Variants in LAMA2 observed in about 807,000 individuals in gnomAD.
LAMA2 encodes laminin subunit alpha-2.
Under a neutral mutation model 364.8 loss-of-function variants are expected in LAMA2, and 269 were observed. The ratio of observed to expected loss-of-function variants is 0.74; its 90% CI spans 0.67 to 0.82. The LOEUF (loss-of-function observed/expected upper bound fraction) is 0.82. Among genes scored for constraint, LAMA2 ranks in the 40% least tolerant of loss-of-function variants. The pLI is 0.00. For synonymous variants in LAMA2, 1,379 were observed against 1,370.6 expected (o/e 1.01, Z -0.14); for missense variants, 3,807 against 3,873.2 (o/e 0.98, Z 0.45).
intron 1 of LAMA2, among the ~76,000 whole-genome samples, chr6:128,971,023 C>T (rs1782158072): frequency 1.3e-5 from 2 of 152,120 alleles, no homozygotes; most frequent in Admixed American, 1.3e-4. Context: ...ATGCTCTTTT[C>T]CTGCTCCATG....
chr6:129,139,533 T>G (rs1343701782), intron 4 of LAMA2, among the ~76,000 whole-genome samples: 2 of 152,122 alleles, frequency 1.3e-5, no homozygotes, highest in East Asian at 3.8e-4. Flanking sequence ...ACTATGCCAT[T>G]TCATTTCAAG....
intron 2 of LAMA2, among the ~76,000 whole-genome samples, chr6:129,058,317 G>A (rs1397447649): frequency 6.6e-6 from 1 of 152,228 alleles, no homozygotes; most frequent in African/African-American, 2.4e-5. Context: ...GACACATGGA[G>A]CTAAAATGGG....
rs555739971 is a variant in LAMA2, at chr6:129,380,028, T to C, written c.4960-3094T>C. Among the ~76,000 whole-genome samples the C allele has an allele frequency of 5.9e-5, 9 of 152,300 alleles. No individual in the cohort carries two copies. In the East Asian group the frequency reaches 1.7e-3, roughly 29 times the overall value. ...AAAAGAGTAAGACAGATCCCTAGCC[T>C]TTTCTAATCTATCTATCTAATGGAG... On this transcript the variant is annotated intron_variant, in intron 34 of 64. Coordinates refer to ENST00000421865, the MANE Select transcript of LAMA2 (RefSeq NM_000426.4).
chr6:129,290,565 T>A (rs1032323), intron 19 of LAMA2, among the ~76,000 whole-genome samples: 151,624 of 152,312 alleles, frequency 1, 75,475 homozygotes, highest in Middle Eastern at 1. Context: ...TGTTTATAGC[T>A]TAATTTTAGG....
At chr6:129,350,251 A>G (rs984517219) in intron 31 of LAMA2, among the ~76,000 whole-genome samples, 2 of 152,242 alleles carry the variant, frequency 1.3e-5, no homozygotes, top group African/African-American at 2.4e-5. Context: ...AAAGTTTTAG[A>G]AAGATCCATA....
chr6:129,106,934 G>GTAT (rs1775865241), intron 4 of LAMA2, among the ~76,000 whole-genome samples: 1 of 150,362 alleles, frequency 6.7e-6, no homozygotes, highest in Non-Finnish European at 1.5e-5. Flanking sequence ...AATTAATGCA[G>GTAT]TATTGTTGAA....
chr6:129,426,549 GT>G (rs1351460477), intron 40 of LAMA2, among the ~76,000 whole-genome samples: 1 of 151,734 alleles, frequency 6.6e-6, no homozygotes, highest in Non-Finnish European at 1.5e-5. Context: ...GAGAATTCCT[GT>G]TTTTCCCAGC....
Position 129,507,627 on chromosome 6 carries a change from G to A in LAMA2, c.8842G>A (p.Gly2948Ser), listed in dbSNP as rs143638361. 7.4e-5 allele frequency: 120 copies of A among 1,614,098 alleles called. No individual in the cohort carries two copies. In the East Asian group the frequency reaches 2.0e-3, roughly 27 times the overall value. The change falls in exon 62 of 65, where the codon GGT (glycine) becomes AGT (serine). Residue 2948 changes from glycine (G) to serine (S), a missense_variant. Physicochemically the swap from Gly to Ser is moderately conservative, Grantham distance 56 (BLOSUM62 0). Coordinates refer to ENST00000421865, the MANE Select transcript of LAMA2 (RefSeq NM_000426.4). ...GAGGGGAACATATTTTGACGGAACC[G>A]GTTTTGCCAAAGCAGGTAAGGCTCT... ...AQRGTYFDGT[G>S]FAKAVGGFKV...
At chr6:129,154,755 A>C in intron 8 of LAMA2, 72 bp downstream of exon 8, 2 of 1,252,886 alleles carry the variant, frequency 1.6e-6, no homozygotes, top group Non-Finnish European at 2.3e-6. Flanking sequence ...TATACAAAAA[A>C]ATAATAATTT....
intron 1 of LAMA2, among the ~76,000 whole-genome samples, chr6:128,897,475 T>G (rs924449943): frequency 2.0e-5 from 3 of 152,224 alleles, no homozygotes; most frequent in Non-Finnish European, 2.9e-5. Context: ...TTTTTCTCTT[T>G]GTTGTTGTAT....
At chr6:129,370,424 C>A (rs1778006315) in intron 34 of LAMA2, among the ~76,000 whole-genome samples, 1 of 152,158 alleles carries the variant, frequency 6.6e-6, no homozygotes, top group Non-Finnish European at 1.5e-5. Context: ...AAGAGGAAAT[C>A]TTCTCTATTG....
chr6:129,105,903 C>CT (rs1354255569), intron 4 of LAMA2, among the ~76,000 whole-genome samples: 6 of 152,126 alleles, frequency 3.9e-5, no homozygotes, highest in African/African-American at 1.4e-4. Flanking sequence ...CACATTATTG[C>CT]TTTTAATTTA....
chr6:129,396,982 AGT>A (rs1562526391), intron 37 of LAMA2, among the ~76,000 whole-genome samples: 1 of 12,142 alleles, frequency 8.2e-5, no homozygotes, highest in Admixed American at 4.3e-4. Context: ...ACAGTGAGAC[AGT>A]GTCTCAAAAA....
chr6:129,336,845 T>G (rs1040883320), intron 29 of LAMA2, among the ~76,000 whole-genome samples: 22 of 152,248 alleles, frequency 1.4e-4, no homozygotes, highest in African/African-American at 4.6e-4. Context: ...TTTGACCTTG[T>G]TGTGTTCAAA....
chr6:129,473,212 A>G lies in LAMA2; in HGVS notation c.7301-2A>G. 1 of 1,586,652 alleles carries G rather than the reference A, an allele frequency of 6.3e-7. No homozygotes were observed. Among genetic ancestry groups the G allele is most frequent in the Non-Finnish European group, 8.7e-7 (1 of 1,155,984 alleles). ...ATGTTAAACTTTCTTTCTCCTTTAC[A>G]GCCAATATATCAATTGTAGATATAG... On this transcript the variant is annotated splice_acceptor_variant, in intron 51 of 64. Coordinates refer to ENST00000421865, the MANE Select transcript of LAMA2 (RefSeq NM_000426.4). LOFTEE classifies it high-confidence loss of function.
chr6:129,205,281 A>G (rs1485983781), intron 12 of LAMA2, among the ~76,000 whole-genome samples: 2 of 151,746 alleles, frequency 1.3e-5, no homozygotes, highest in Non-Finnish European at 2.9e-5. Context: ...AGTCCCAGCT[A>G]CTTGAGAGGC....
intron 20 of LAMA2, among the ~76,000 whole-genome samples, chr6:129,295,504 T>C (rs1773114590): frequency 6.6e-6 from 1 of 152,168 alleles, no homozygotes; most frequent in Non-Finnish European, 1.5e-5. Flanking sequence ...TTGAAACAAA[T>C]TTTTGAACAA....
intron 12 of LAMA2, among the ~76,000 whole-genome samples, chr6:129,220,331 T>C (rs1403590115): frequency 6.6e-6 from 1 of 152,186 alleles, no homozygotes; most frequent in Non-Finnish European, 1.5e-5. Context: ...TTACCACTGC[T>C]CTTGGTAAGA....
At chr6:129,454,078 GA>G in intron 46 of LAMA2, 76 bp from the exon 47 acceptor site, 1 of 1,280,506 alleles carries the variant, frequency 7.8e-7, no homozygotes, top group Non-Finnish European at 1.1e-6. Context: ...GGCGCTTATT[GA>G]AAAACACTCT....
Sources: allele counts gnomAD v4.1 joint callset (sites outside exome capture counted in the v4.1 genomes callset), GRCh38; gene constraint gnomAD v4.1.1; transcripts MANE v1.5; gene names NCBI Gene and HGNC (gene_info 2026-07-23, HGNC 2026-07-21).